The following ESD variants were observed in gnomAD, a reference collection of about 807,000 sequenced individuals.
ESD encodes esterase D, also known as S-formylglutathione hydrolase.
ESD carries 34 observed loss-of-function variants against 38.1 expected under a neutral mutation model. That is an observed-to-expected ratio of 0.89 (90% CI 0.68 to 1.19). The LOEUF (loss-of-function observed/expected upper bound fraction) is 1.19. Among genes scored for constraint, ESD ranks in the 50% most tolerant of loss-of-function variants. ESD has a pLI of 0.00. For synonymous variants in ESD, 97 were observed against 107.0 expected (o/e 0.91, Z 0.58); for missense variants, 334 against 327.2 (o/e 1.02, Z -0.16).
Position 46,781,760 on chromosome 13 carries a change from A to C in ESD, c.382-145T>G, listed in dbSNP as rs576651961. ...ACTAGTAACAATGAAAACAAAACAA[A>C]ACTAAATCCTCAGGCAGACCATGAT... On this transcript the variant is annotated intron_variant, in intron 6 of 9. Coordinates refer to ENST00000378720, the MANE Select transcript of ESD (RefSeq NM_001984.2). The C allele has an allele frequency of 1.1e-5, 8 of 702,778 alleles. No individual in the cohort carries two copies. In the South Asian group the frequency reaches 1.2e-4, roughly 11 times the overall value. 43.5% of individuals were successfully genotyped at this position (702,778 alleles called of 1,614,324 possible). A position where few individuals can be genotyped will look rare whatever the true frequency, so the allele number is the denominator to read the frequency against.
rs74080908 is a variant in ESD at position 46,783,741 on chromosome 13, A to G, written c.256+511T>C. ...CATTTCCTGAAACTTCTAGAGTCATAAAACAAGTTTTAACTGTCTGATGCA... is the reference window on the plus strand; with the variant it reads ...CATTTCCTGAAACTTCTAGAGTCATGAAACAAGTTTTAACTGTCTGATGCA... On this transcript the variant is annotated intron_variant, in intron 5 of 9. Transcript: ENST00000378720. Among the ~76,000 whole-genome samples, 533 of 152,064 alleles carry G rather than the reference A, an allele frequency of 3.5e-3. 3 individuals carry two copies. Among genetic ancestry groups the G allele is most frequent in the African/African-American group, 0.012 (513 of 41,528 alleles).
chr13:46,779,906 G>C, intron 8 of ESD, 29 bp downstream of exon 8: 3 of 1,498,778 alleles, frequency 2.0e-6, no homozygotes, highest in Non-Finnish European at 2.8e-6. Flanking sequence ...ACTTAAGAAT[G>C]AGTATTAAGA....
intron 6 of ESD, among the ~76,000 whole-genome samples, chr13:46,781,894 T>A (rs1453637247): frequency 3.3e-5 from 5 of 151,816 alleles, no homozygotes; most frequent in Admixed American, 3.3e-4. Flanking sequence ...CCTAGTAATT[T>A]CACTTTTTGG....
intron 9 of ESD, among the ~76,000 whole-genome samples, chr13:46,773,484 T>C (rs571529405): frequency 6.6e-6 from 1 of 152,336 alleles, no homozygotes; most frequent in South Asian, 2.1e-4. Flanking sequence ...CATTTTGAAC[T>C]AGTGAATGGT....
intron 9 of ESD, among the ~76,000 whole-genome samples, chr13:46,772,139 A>G (rs1740524873): frequency 6.6e-6 from 1 of 152,200 alleles, no homozygotes; most frequent in African/African-American, 2.4e-5. Flanking sequence ...TACACAGTAA[A>G]AGCATGTTGT....
intron 1 of ESD, among the ~76,000 whole-genome samples, chr13:46,793,715 G>A (rs1393902596): frequency 2.0e-5 from 3 of 152,122 alleles, no homozygotes; most frequent in Non-Finnish European, 4.4e-5. Context: ...TACTATGAAA[G>A]TTTTTTATCT....
chr13:46,792,453 A>T (rs1377269289), intron 2 of ESD, among the ~76,000 whole-genome samples: 1 of 152,070 alleles, frequency 6.6e-6, no homozygotes, highest in Non-Finnish European at 1.5e-5. Flanking sequence ...AAAATACTTT[A>T]AAAAATTAGT....
In ESD at chr13:46,788,554, T is replaced by C. The variant is rs1381155179; in HGVS notation, c.69-1445A>G. 2.0e-5 allele frequency among the ~76,000 whole-genome samples: 3 copies of C among 151,622 alleles called. 1 individual carries two copies. The East Asian group carries it at 5.8e-4, about 29-fold the overall frequency. On this transcript the variant is annotated intron_variant, in intron 3 of 9. Transcript: ENST00000378720. Reference sequence around the variant, plus strand: ...CTTAAACATTTGTTAAGAGGGTATATTTCATGTTGTTTTGTTATTACAACA... The same window carrying C: ...CTTAAACATTTGTTAAGAGGGTATACTTCATGTTGTTTTGTTATTACAACA...
rs372634807 is a variant in ESD, at chr13:46,791,085, A to G, written c.68+261T>C. Among the ~76,000 whole-genome samples, 8 of 152,186 alleles carry G rather than the reference A, an allele frequency of 5.3e-5. No individual in the cohort carries two copies. In the East Asian group the frequency reaches 1.3e-3, roughly 26 times the overall value. On this transcript the variant is annotated intron_variant, in intron 3 of 9. Transcript: ENST00000378720. ...AATGTTTTCAGAATTTTTACTGGCA[A>G]CATAAGCATTTTCATAAAGTTTCAG...
At chr13:46,795,493 T>C (rs925133156) in intron 1 of ESD, among the ~76,000 whole-genome samples, 3 of 152,230 alleles carry the variant, frequency 2.0e-5, no homozygotes, top group Admixed American at 1.3e-4. Context: ...CTCACAATAA[T>C]GAGCAGATGA....
intron 8 of ESD, among the ~76,000 whole-genome samples, chr13:46,778,786 C>T (rs1217128407): frequency 6.6e-6 from 1 of 151,730 alleles, no homozygotes; most frequent in Admixed American, 6.6e-5. Flanking sequence ...TAGCATTCTT[C>T]AAACATAGTA....
intron 1 of ESD, 137 bp from the exon 2 acceptor site, chr13:46,793,581 T>C (rs545371879): frequency 6.6e-6 from 1 of 152,400 alleles, no homozygotes; most frequent in South Asian, 2.1e-4. Flanking sequence ...CCTGATGGGA[T>C]ACCACATCAC....
chr13:46,778,252 A>G (rs1164583125), intron 8 of ESD, among the ~76,000 whole-genome samples: 1 of 151,828 alleles, frequency 6.6e-6, no homozygotes, highest in Admixed American at 6.6e-5. Context: ...ATGTTTTATC[A>G]TCCACCTCGA....
At chr13:46,788,631 A>C (rs962702841) in intron 3 of ESD, among the ~76,000 whole-genome samples, 2 of 151,376 alleles carry the variant, frequency 1.3e-5, no homozygotes, top group African/African-American at 4.9e-5. Flanking sequence ...AATCAGGTCT[A>C]AAGTATGTTC....
At chr13:46,779,895 A>C (rs1285196038) in intron 8 of ESD, 40 bp downstream of exon 8, 2 of 1,481,870 alleles carry the variant, frequency 1.3e-6, no homozygotes, top group Admixed American at 1.8e-5. Flanking sequence ...ACAAACTTGA[A>C]ACTTAAGAAT....
chr13:46,784,686 T>C (rs1432338994), intron 4 of ESD, among the ~76,000 whole-genome samples: 1 of 151,932 alleles, frequency 6.6e-6, no homozygotes, highest in Non-Finnish European at 1.5e-5. Flanking sequence ...GTATTATTAT[T>C]TTTTTTGCTT....
At chr13:46,772,206 TAA>T (rs1366758815) in intron 9 of ESD, among the ~76,000 whole-genome samples, 2 of 152,078 alleles carry the variant, frequency 1.3e-5, no homozygotes, top group African/African-American at 4.8e-5. Context: ...GCAAATTAGG[TAA>T]AAAGTCAGTA....
Position 46,796,319 on chromosome 13 carries a change from G to A in ESD, c.-56+786C>T, listed in dbSNP as rs59549766. 3.5e-3 allele frequency among the ~76,000 whole-genome samples: 539 copies of A among 152,278 alleles called. 3 individuals are homozygous for A. Among genetic ancestry groups the A allele is most frequent in the African/African-American group, 0.012 (519 of 41,562 alleles). On this transcript the variant is annotated intron_variant, in intron 1 of 9. Coordinates refer to ENST00000378720, the MANE Select transcript of ESD (RefSeq NM_001984.2). Reference sequence around the variant, plus strand: ...GGGCAAGCTAATCTATGCCTCATTTGCCCATCTGCAAAATGGGTATACAGT... The same window carrying A: ...GGGCAAGCTAATCTATGCCTCATTTACCCATCTGCAAAATGGGTATACAGT...
chr13:46,790,653 A>C (rs1875365849), intron 3 of ESD: 1 of 152,190 alleles, frequency 6.6e-6, no homozygotes, highest in Non-Finnish European at 1.5e-5. Context: ...ACACTCTCAG[A>C]TCTATCTCCT....
Sources: allele counts gnomAD v4.1 joint callset (sites outside exome capture counted in the v4.1 genomes callset), GRCh38; gene constraint gnomAD v4.1.1; transcripts MANE v1.5; gene names NCBI Gene and HGNC (gene_info 2026-07-23, HGNC 2026-07-21).